The following TRPS1 variants were observed in gnomAD, a reference collection of about 807,000 sequenced individuals.
TRPS1 encodes zinc finger transcription factor Trps1.
In TRPS1, 6 loss-of-function variants were observed where a neutral mutation model predicts 101.2. That is an observed-to-expected ratio of 0.06 (90% CI 0.03 to 0.12). The LOEUF (loss-of-function observed/expected upper bound fraction) is 0.12. Among genes scored for constraint, TRPS1 ranks in the 10% least tolerant of loss-of-function variants. The pLI is 1.00. For missense variants in TRPS1, 1,363 were observed against 1,567.0 expected, an observed-to-expected ratio of 0.87 and a Z score of 2.20; for synonymous variants, 578 against 589.8, an observed-to-expected ratio of 0.98 and a Z score of 0.29.
At chr8:115,469,797 G>A (rs1360213947) in intron 5 of TRPS1, among the ~76,000 whole-genome samples, 1 of 152,154 alleles carries the variant, frequency 6.6e-6, no homozygotes, top group African/African-American at 2.4e-5. Context: ...CCAAAGTGCT[G>A]GGATTACAAG....
chr8:115,540,027 C>G (rs535090735), intron 5 of TRPS1, among the ~76,000 whole-genome samples: 1 of 152,358 alleles, frequency 6.6e-6, no homozygotes, highest in African/African-American at 2.4e-5. Flanking sequence ...ACAGAACTTT[C>G]AAACTTCACA....
chr8:115,648,392 T>C (rs1811474955), intron 1 of TRPS1, among the ~76,000 whole-genome samples: 1 of 152,260 alleles, frequency 6.6e-6, no homozygotes, highest in Admixed American at 6.5e-5. Flanking sequence ...CTTCCTGCGA[T>C]AACACGCCCA....
chr8:115,572,079 CTTCTT>C (rs1344097128), intron 5 of TRPS1, among the ~76,000 whole-genome samples: 1 of 152,074 alleles, frequency 6.6e-6, no homozygotes, highest in African/African-American at 2.4e-5. Flanking sequence ...AAAACGTACT[CTTCTT>C]TTAGTTTAGC....
At chr8:115,417,981 G>A (rs977836909) in intron 6 of TRPS1, among the ~76,000 whole-genome samples, 2 of 151,928 alleles carry the variant, frequency 1.3e-5, no homozygotes, top group African/African-American at 4.8e-5. Context: ...TTTTTAAAAC[G>A]TTTTGCATAT....
At chr8:115,523,330 C>T (rs555411150) in intron 5 of TRPS1, among the ~76,000 whole-genome samples, 55 of 152,130 alleles carry the variant, frequency 3.6e-4, no homozygotes, top group Non-Finnish European at 5.0e-4. Context: ...ATCTCCCTTC[C>T]GTCAGGAATA....
intron 5 of TRPS1, among the ~76,000 whole-genome samples, chr8:115,433,014 G>A (rs1426527071): frequency 6.6e-6 from 1 of 151,880 alleles, no homozygotes; most frequent in African/African-American, 2.4e-5. Flanking sequence ...ATCTGAGCAA[G>A]TCATTTTGAA....
In TRPS1 at chr8:115,604,014, G is replaced by T. The variant is rs371696692; in HGVS notation, c.1955C>A (p.Ser652Tyr). The T allele has an allele frequency of 1.9e-5, 31 of 1,613,814 alleles. No individual in the cohort carries two copies. Among genetic ancestry groups the T allele is most frequent in the Non-Finnish European group, 2.5e-5 (29 of 1,179,960 alleles). ...TTCTTGTTTGACATCCGATGCTTGG[G>T]ACTCATGCACACTTTCATAGTGAAA... ...LLFHYESVHE[S>Y]QASDVKQEAN... Residue 652 changes from serine (S) to tyrosine (Y), a missense_variant, in exon 4 of 7, where the codon TCC becomes TAC. Physicochemically the swap from Ser to Tyr is moderately radical, Grantham distance 144 (BLOSUM62 -2). This residue lies in a region of TRPS1 where 1,020 missense variants were observed against 1,073.0 expected (regional missense o/e 0.95). Transcript: ENST00000395715. This position sits in a 1 kb window ranked among gnomAD's most constrained non-coding sequence, Gnocchi z 4.1.
chr8:115,510,137 C>A (rs973706348), intron 5 of TRPS1, among the ~76,000 whole-genome samples: 1 of 151,948 alleles, frequency 6.6e-6, no homozygotes, highest in Non-Finnish European at 1.5e-5. Context: ...CCTCCTCCAG[C>A]ATCCACATTT....
chr8:115,523,463 T>G (rs576010129), intron 5 of TRPS1, among the ~76,000 whole-genome samples: 1 of 152,122 alleles, frequency 6.6e-6, no homozygotes, highest in East Asian at 1.9e-4. Flanking sequence ...ACTATCTATA[T>G]AAGAGCTGCA....
At chr8:115,516,317 C>T (rs899404999) in intron 5 of TRPS1, among the ~76,000 whole-genome samples, 3 of 151,216 alleles carry the variant, frequency 2.0e-5, no homozygotes, top group African/African-American at 7.3e-5. Flanking sequence ...ATTTCATACT[C>T]GTCTCTACAT....
chr8:115,536,193 G>T (rs773521552), intron 5 of TRPS1, among the ~76,000 whole-genome samples: 2 of 152,000 alleles, frequency 1.3e-5, no homozygotes, highest in Non-Finnish European at 2.9e-5. Flanking sequence ...AAACTTGCAA[G>T]AAATAGTTTT....
At chr8:115,486,524 C>T (rs1814884061) in intron 5 of TRPS1, among the ~76,000 whole-genome samples, 1 of 152,206 alleles carries the variant, frequency 6.6e-6, no homozygotes, top group African/African-American at 2.4e-5. Context: ...GAAAGCTAGG[C>T]CTCTTGAGCT....
In TRPS1 at chr8:115,414,768, G is replaced by A. The variant is rs200876887; in HGVS notation, c.3140C>T (p.Pro1047Leu). 151 of 1,613,906 alleles carry A rather than the reference G, an allele frequency of 9.4e-5. 1 individual carries two copies. The highest frequency in any genetic ancestry group is 1.2e-4 in the Non-Finnish European group (139 of 1,179,946). ...QTLDIHKRMQ[P>L]LHIQIKSPQE... ...AGGACTTTTTATCTGAATGTGCAAA[G>A]GTTGCATCCTTTTGTGAATATCCAG... Residue 1047 changes from proline (P) to leucine (L), a missense_variant, in exon 7 of 7, where the codon CCT becomes CTT. Coordinates refer to ENST00000395715, the MANE Select transcript of TRPS1 (RefSeq NM_014112.5). This position sits in a 1 kb window ranked among gnomAD's most constrained non-coding sequence, Gnocchi z 4.8.
chr8:115,620,172 C>T (rs1159553009), intron 2 of TRPS1, 112 bp from the exon 3 acceptor site: 11 of 997,480 alleles, frequency 1.1e-5, no homozygotes, highest in East Asian at 2.7e-5. Context: ...TAATCAAATG[C>T]TTCCTCTAGG....
chr8:115,667,830 C>A (rs1055145036), intron 1 of TRPS1: 1 of 1,534,940 alleles, frequency 6.5e-7, no homozygotes, highest in Non-Finnish European at 8.7e-7. Flanking sequence ...TACGGAGGCC[C>A]GTCTCTGAGA....
intron 5 of TRPS1, among the ~76,000 whole-genome samples, chr8:115,517,237 T>C (rs1815735616): frequency 6.6e-6 from 1 of 151,716 alleles, no homozygotes; most frequent in African/African-American, 2.4e-5. Flanking sequence ...TAGATAGATA[T>C]CCTAATTACT....
chr8:115,587,094 C>T lies in TRPS1; in HGVS notation c.2607G>A (p.Ala869=). The T allele has an allele frequency of 6.2e-7, 1 of 1,614,120 alleles. No homozygotes were observed. Among genetic ancestry groups the T allele is most frequent in the Non-Finnish European group, 8.5e-7 (1 of 1,180,022 alleles). The change falls in exon 5 of 7, where the codon GCG becomes GCA. Residue 869 remains alanine (A), a synonymous_variant. Transcript: ENST00000395715. Reference sequence around the variant, plus strand: ...CCCCAGACTTCTCTCCGCCAGCTGGCGCCCCCTGCAGGAATCCCTTGGTTT... The same window carrying T: ...CCCCAGACTTCTCTCCGCCAGCTGGTGCCCCCTGCAGGAATCCCTTGGTTT... The part of the protein sequence containing the change: ...AVETKGFLQG[A]PAGGEKSGAL...
intron 4 of TRPS1, among the ~76,000 whole-genome samples, chr8:115,601,411 G>A (rs370467511): frequency 6.6e-6 from 1 of 152,130 alleles, no homozygotes; most frequent in East Asian, 1.9e-4. Context: ...TCACATCTCT[G>A]GGGCCACTAT....
At chr8:115,626,356 C>A (rs891123566) in intron 1 of TRPS1, among the ~76,000 whole-genome samples, 1 of 151,046 alleles carries the variant, frequency 6.6e-6, no homozygotes, top group South Asian at 2.1e-4. Context: ...CTTAAGTGAA[C>A]TATAAAATGC....
Sources: gnomAD v4.1 joint callset for allele counts (sites outside exome capture counted in the v4.1 genomes callset) on GRCh38, gnomAD v4.1.1 for gene constraint, gnomAD v4.1.1 regional missense constraint, Gnocchi (gnomAD v3.1) non-coding constraint, MANE v1.5 for transcripts, NCBI Gene and HGNC (gene_info 2026-07-23, HGNC 2026-07-21) for gene names.